The following CA10 variants were observed in gnomAD, a reference collection of about 807,000 sequenced individuals.
The protein encoded by CA10 is carbonic anhydrase 10 (inactive).
In CA10, 14 loss-of-function variants were observed where a neutral mutation model predicts 44.2. That is an observed-to-expected ratio of 0.32 (90% CI 0.21 to 0.50). The LOEUF (loss-of-function observed/expected upper bound fraction) is 0.50. Among genes scored for constraint, CA10 ranks in the 20% least tolerant of loss-of-function variants. The pLI is 0.99. For synonymous variants in CA10, 159 were observed against 141.6 expected (o/e 1.12, Z -0.87); for missense variants, 350 against 409.7 (o/e 0.85, Z 1.26).
At chr17:51,883,748 T>G (rs1980476988) in intron 3 of CA10, among the ~76,000 whole-genome samples, 1 of 152,184 alleles carries the variant, frequency 6.6e-6, no homozygotes, top group African/African-American at 2.4e-5. Flanking sequence ...CCTTAAGCCT[T>G]TTGTCTAACA....
In CA10 at chr17:52,076,074, C is replaced by T. The variant is rs191981879; in HGVS notation, c.62-3681G>A. Among the ~76,000 whole-genome samples the T allele has an allele frequency of 1.2e-3, 187 of 152,240 alleles. 5 individuals are homozygous for T. In the South Asian group the frequency reaches 0.023, roughly 19 times the overall value. On this transcript the variant is annotated intron_variant, in intron 1 of 8. Coordinates refer to ENST00000451037, the MANE Select transcript of CA10 (RefSeq NM_020178.5). ...AAAGGGAAAGCTAACTCTAATAAAA[C>T]CTGAGTAAGATGACTAGGTTCTCAG...
intron 8 of CA10, among the ~76,000 whole-genome samples, chr17:51,633,272 A>G (rs901126281): frequency 1.3e-5 from 2 of 152,080 alleles, no homozygotes; most frequent in Non-Finnish European, 2.9e-5. Context: ...CTACCAACCT[A>G]CCTAGATGCA....
intron 3 of CA10, among the ~76,000 whole-genome samples, chr17:51,876,678 T>C (rs1980096520): frequency 6.6e-6 from 1 of 151,516 alleles, no homozygotes; most frequent in African/African-American, 2.4e-5. Flanking sequence ...GGGGGCAAAA[T>C]TGACTTCAGT....
rs1683810533 is a variant in CA10 at position 51,630,680 on chromosome 17, A to C, written c.*904T>G. On this transcript the variant is annotated 3_prime_UTR_variant, in exon 9 of 9. Transcript: ENST00000451037. ...GGCTGCAAATGAACAAAACATGTAG[A>C]TGAAGGAACAAGTGAAATCAAAGAA... 1 of 152,628 alleles carries C rather than the reference A, an allele frequency of 6.6e-6. No homozygotes were observed. Among genetic ancestry groups the C allele is most frequent in the Non-Finnish European group, 1.5e-5 (1 of 68,048 alleles). 9.5% of individuals were successfully genotyped at this position (152,628 alleles called of 1,614,324 possible).
At chr17:51,662,894 A>G (rs975501017) in intron 4 of CA10, among the ~76,000 whole-genome samples, 17 of 152,222 alleles carry the variant, frequency 1.1e-4, no homozygotes, top group Admixed American at 2.6e-4. Context: ...ATTTTAAAGC[A>G]TGTTTTTCAT....
At chr17:51,648,653 A>G (rs539956599) in intron 6 of CA10, among the ~76,000 whole-genome samples, 4 of 152,310 alleles carry the variant, frequency 2.6e-5, no homozygotes, top group African/African-American at 9.6e-5. Context: ...GTCTGGGGAT[A>G]AAACACTCTG....
In CA10 at chr17:52,093,056, T is replaced by C. The variant is rs184524526; in HGVS notation, c.62-20663A>G. Among the ~76,000 whole-genome samples, 47 of 152,274 alleles carry C rather than the reference T, an allele frequency of 3.1e-4. 2 individuals are homozygous for C. In the East Asian group the frequency reaches 3.3e-3, roughly 11 times the overall value. On this transcript the variant is annotated intron_variant, in intron 1 of 8. Transcript: ENST00000451037. ...CGAGAAAAAAAATTGGTTTTGTTTATATGTTGTTTCACTTAAAGTCAGTTT... is the reference window on the plus strand; with the variant it reads ...CGAGAAAAAAAATTGGTTTTGTTTACATGTTGTTTCACTTAAAGTCAGTTT...
intron 2 of CA10, among the ~76,000 whole-genome samples, chr17:52,065,466 C>T (rs1249945507): frequency 1.3e-5 from 2 of 152,134 alleles, no homozygotes; most frequent in South Asian, 2.1e-4. Context: ...GCCCCTGGTG[C>T]ATGGAAGGCC....
intron 4 of CA10, among the ~76,000 whole-genome samples, chr17:51,723,165 T>C (rs1262683928): frequency 6.6e-6 from 1 of 152,120 alleles, no homozygotes; most frequent in African/African-American, 2.4e-5. Flanking sequence ...AGTTGCCCAA[T>C]AAGAGCCCAA....
chr17:51,781,470 C>T (rs1394384661), intron 3 of CA10, among the ~76,000 whole-genome samples: 1 of 152,140 alleles, frequency 6.6e-6, no homozygotes, highest in African/African-American at 2.4e-5. Flanking sequence ...TGCTATTTGG[C>T]CATGAGTCCA....
At chr17:51,919,212 G>A (rs1298744480) in intron 3 of CA10, among the ~76,000 whole-genome samples, 1 of 152,052 alleles carries the variant, frequency 6.6e-6, no homozygotes, top group South Asian at 2.1e-4. Context: ...CTGGTTTATA[G>A]GCAATAATAT....
At chr17:51,677,894 C>CCA (rs1555583338) in intron 4 of CA10, among the ~76,000 whole-genome samples, 29 of 143,964 alleles carry the variant, frequency 2.0e-4, no homozygotes, top group African/African-American at 7.1e-4. Context: ...CACCCCCCCC[C>CCA]CCACCGGCTG....
intron 3 of CA10, among the ~76,000 whole-genome samples, chr17:51,829,780 T>C (rs1332166371): frequency 3.3e-5 from 5 of 152,182 alleles, no homozygotes; most frequent in Non-Finnish European, 5.9e-5. Flanking sequence ...TCAAACAGGA[T>C]TGGAGTCCAG....
At chr17:51,951,932 G>A (rs532258309) in intron 2 of CA10, among the ~76,000 whole-genome samples, 3 of 152,224 alleles carry the variant, frequency 2.0e-5, no homozygotes, top group African/African-American at 7.2e-5. Flanking sequence ...TTTTAATGCT[G>A]TGCTCATCTC....
intron 4 of CA10, among the ~76,000 whole-genome samples, chr17:51,743,028 G>T (rs1474144098): frequency 6.6e-6 from 1 of 152,224 alleles, no homozygotes; most frequent in East Asian, 1.9e-4. Flanking sequence ...GCTGCACTCT[G>T]GCCCATGCCT....
chr17:52,026,873 T>G (rs1380896878), intron 2 of CA10, among the ~76,000 whole-genome samples: 2 of 152,094 alleles, frequency 1.3e-5, no homozygotes, highest in Non-Finnish European at 2.9e-5. Flanking sequence ...TCATCAACAT[T>G]TCTGGCACGA....
intron 1 of CA10, among the ~76,000 whole-genome samples, chr17:52,113,769 G>A (rs1262402152): frequency 6.6e-6 from 1 of 152,204 alleles, no homozygotes; most frequent in Non-Finnish European, 1.5e-5. Context: ...TACATTTCAA[G>A]TGAGTAATTT....
intron 2 of CA10, among the ~76,000 whole-genome samples, chr17:52,025,055 A>G (rs1415550759): frequency 6.6e-6 from 1 of 151,996 alleles, no homozygotes; most frequent in East Asian, 1.9e-4. Context: ...TGTATGCTTG[A>G]ACCATCCCAA....
chr17:52,021,942 C>T (rs1294782701), intron 2 of CA10, among the ~76,000 whole-genome samples: 2 of 151,942 alleles, frequency 1.3e-5, no homozygotes, highest in Non-Finnish European at 2.9e-5. Flanking sequence ...AGGCCCAGGA[C>T]CAGGTGGATT....
Sources: allele counts gnomAD v4.1 joint callset (sites outside exome capture counted in the v4.1 genomes callset), GRCh38; gene constraint gnomAD v4.1.1; transcripts MANE v1.5; gene names NCBI Gene and HGNC (gene_info 2026-07-23, HGNC 2026-07-21).